DPYD: variants seen among roughly 807,000 people sequenced by gnomAD.
DPYD encodes dihydropyrimidine dehydrogenase [NADP(+)].
A neutral mutation model predicts 116.2 loss-of-function variants in DPYD; 109 were observed. The observed-to-expected ratio is 0.94, with a 90% CI of 0.80 to 1.10. DPYD has a LOEUF of 1.10. Among genes scored for constraint, DPYD ranks in the 50% least tolerant of loss-of-function variants. The pLI is 0.00. For synonymous variants in DPYD, 440 were observed against 432.0 expected (o/e 1.02, Z -0.23); for missense variants, 1,302 against 1,254.5 (o/e 1.04, Z -0.57).
chr1:97,134,012 AAAATATATATATATAT>A lies in DPYD; in HGVS notation c.2623-35396_2623-35381del, dbSNP rs1467951756. Among the ~76,000 whole-genome samples the A allele has an allele frequency of 7.8e-4, 38 of 48,842 alleles. 4 individuals carry two copies. The highest frequency in any genetic ancestry group is 3.5e-3 in the Admixed American group (16 of 4,518). The allele number at this position is 48,842 out of a possible 152,430, so 32.0% of individuals were successfully genotyped here. On this transcript the variant is annotated intron_variant, in intron 20 of 22. Coordinates refer to ENST00000370192, the MANE Select transcript of DPYD (RefSeq NM_000110.4). ...AGACTCTGTTTCAAAAAAAAAAAAA[AAAATATATATATATAT>A]ATATATATATATATATATATATATA...
At chr1:97,335,072 T>C (rs1391140260) in intron 16 of DPYD, among the ~76,000 whole-genome samples, 2 of 152,184 alleles carry the variant, frequency 1.3e-5, no homozygotes, top group Admixed American at 1.3e-4. Context: ...AAATATTTCC[T>C]GTGTTTTTCA....
intron 16 of DPYD, among the ~76,000 whole-genome samples, chr1:97,341,002 C>G (rs1356933907): frequency 6.6e-6 from 1 of 152,156 alleles, no homozygotes; most frequent in South Asian, 2.1e-4. Context: ...ACCTACCTCA[C>G]CCCTTTATCA....
At chr1:97,530,636 T>C (rs534003505) in intron 12 of DPYD, among the ~76,000 whole-genome samples, 4 of 152,224 alleles carry the variant, frequency 2.6e-5, no homozygotes, top group Admixed American at 6.5e-5. Context: ...ATTTTAGATA[T>C]ATACCCAGAA....
chr1:97,685,590 C>T (rs1660679282), intron 7 of DPYD, among the ~76,000 whole-genome samples: 1 of 152,134 alleles, frequency 6.6e-6, no homozygotes, highest in South Asian at 2.1e-4. Flanking sequence ...ATCTAGAAAG[C>T]CCCATTGATC....
At chr1:97,494,362 T>TA (rs796703084) in intron 13 of DPYD, among the ~76,000 whole-genome samples, 4 of 151,766 alleles carry the variant, frequency 2.6e-5, no homozygotes, top group Admixed American at 6.6e-5. Context: ...ATGCTCAGCT[T>TA]AAAAAAAAGA....
chr1:97,472,582 A>G (rs774633057), intron 13 of DPYD, among the ~76,000 whole-genome samples: 7 of 152,256 alleles, frequency 4.6e-5, no homozygotes, highest in Non-Finnish European at 8.8e-5. Context: ...ACTAATTGAC[A>G]GCAAATTGGG....
At chr1:97,919,692 C>G (rs1271699295) in intron 1 of DPYD, among the ~76,000 whole-genome samples, 2 of 152,126 alleles carry the variant, frequency 1.3e-5, no homozygotes, top group African/African-American at 4.8e-5. Flanking sequence ...CACAGATGAA[C>G]AACTATTTGT....
At chr1:97,639,313 G>T (rs1056007091) in intron 8 of DPYD, among the ~76,000 whole-genome samples, 54 of 152,000 alleles carry the variant, frequency 3.6e-4, no homozygotes, top group Non-Finnish European at 1.2e-4. Context: ...TATTGATAAT[G>T]CCATTATTAC....
At chr1:97,385,280 C>CAAAAAA (rs567156406) in intron 14 of DPYD, among the ~76,000 whole-genome samples, 2 of 48,938 alleles carry the variant, frequency 4.1e-5, no homozygotes, top group African/African-American at 1.3e-4. Context: ...GCATTCCTTG[C>CAAAAAA]AAAAAAAAAA....
chr1:97,481,042 T>C (rs1272896046), intron 13 of DPYD, among the ~76,000 whole-genome samples: 2 of 152,108 alleles, frequency 1.3e-5, no homozygotes, highest in Non-Finnish European at 2.9e-5. Flanking sequence ...GAAAAACTGA[T>C]TTGTTAAAGA....
intron 10 of DPYD, among the ~76,000 whole-genome samples, chr1:97,590,848 C>G (rs945969939): frequency 2.0e-4 from 30 of 152,214 alleles, no homozygotes; most frequent in Non-Finnish European, 3.5e-4. Flanking sequence ...TCTGATGCCA[C>G]TCCACTATAG....
chr1:97,120,870 A>C (rs1652374335), intron 20 of DPYD, among the ~76,000 whole-genome samples: 1 of 152,210 alleles, frequency 6.6e-6, no homozygotes, highest in African/African-American at 2.4e-5. Context: ...GATGTTTGTG[A>C]AACTACTAAA....
intron 3 of DPYD, among the ~76,000 whole-genome samples, chr1:97,794,578 A>G (rs1231850582): frequency 6.6e-6 from 1 of 152,178 alleles, no homozygotes; most frequent in South Asian, 2.1e-4. Context: ...AGCTTGTTTG[A>G]CCTGGATTCC....
chr1:97,173,437 C>CAT (rs529394368), intron 20 of DPYD, among the ~76,000 whole-genome samples: 17 of 146,498 alleles, frequency 1.2e-4, no homozygotes, highest in Non-Finnish European at 2.2e-4. Context: ...TATATACGTA[C>CAT]ATATATATGT....
intron 1 of DPYD, among the ~76,000 whole-genome samples, chr1:97,897,687 T>A (rs1673150180): frequency 6.6e-6 from 1 of 151,932 alleles, no homozygotes; most frequent in South Asian, 2.1e-4. Flanking sequence ...ACAGTTGCCA[T>A]CTTTAGAAGT....
At chr1:97,831,041 C>T (rs1435534058) in intron 2 of DPYD, among the ~76,000 whole-genome samples, 2 of 152,148 alleles carry the variant, frequency 1.3e-5, no homozygotes, top group Non-Finnish European at 2.9e-5. Context: ...TTATACCCAA[C>T]AGAACAACAA....
intron 12 of DPYD, among the ~76,000 whole-genome samples, chr1:97,530,334 C>T (rs1649524235): frequency 6.6e-6 from 1 of 151,160 alleles, no homozygotes; most frequent in East Asian, 2.0e-4. Context: ...TCTCCTGCCT[C>T]AACCTCCCGA....
At chr1:97,412,096 T>C (rs1032037130) in intron 14 of DPYD, among the ~76,000 whole-genome samples, 1 of 152,208 alleles carries the variant, frequency 6.6e-6, no homozygotes, top group Non-Finnish European at 1.5e-5. Context: ...ATTTCTTCAA[T>C]TCAACTAGTC....
At chr1:97,628,285 T>C (rs1021504291) in intron 8 of DPYD, among the ~76,000 whole-genome samples, 1 of 152,004 alleles carries the variant, frequency 6.6e-6, no homozygotes. Context: ...CCATGTGTCC[T>C]CATCATTCCT....
Sources: allele counts gnomAD v4.1 joint callset (sites outside exome capture counted in the v4.1 genomes callset), GRCh38; gene constraint gnomAD v4.1.1; transcripts MANE v1.5; gene names NCBI Gene and HGNC (gene_info 2026-07-23, HGNC 2026-07-21).